HPSE2: variants seen among roughly 807,000 people sequenced by gnomAD.
HPSE2 encodes inactive heparanase-2.
HPSE2 carries 38 observed loss-of-function variants against 60.5 expected under a neutral mutation model. The ratio of observed to expected loss-of-function variants is 0.63; its 90% CI spans 0.48 to 0.82. The LOEUF is 0.82. Among genes scored for constraint, HPSE2 ranks in the 40% least tolerant of loss-of-function variants. The pLI is 0.00. For missense variants in HPSE2, 713 were observed against 740.4 expected, an observed-to-expected ratio of 0.96 and a Z score of 0.43; for synonymous variants, 295 against 293.2, an observed-to-expected ratio of 1.01 and a Z score of -0.06.
At chr10:98,762,851 C>T (rs1007340741) in intron 3 of HPSE2, among the ~76,000 whole-genome samples, 11 of 152,026 alleles carry the variant, frequency 7.2e-5, no homozygotes, top group Admixed American at 6.6e-5. Context: ...AAAAGACAAT[C>T]AGCAGAGGAC....
chr10:99,047,765 CA>C (rs1957889472), intron 3 of HPSE2: 1 of 840,730 alleles, frequency 1.2e-6, no homozygotes. Context: ...AAGGATGCTT[CA>C]AAAGGCAAGA....
chr10:99,109,457 CAA>C (rs1416113822), intron 3 of HPSE2, among the ~76,000 whole-genome samples: 2 of 152,084 alleles, frequency 1.3e-5, no homozygotes, highest in African/African-American at 2.4e-5. Flanking sequence ...GCCAAGCAAA[CAA>C]AAGAGTCATT....
At chr10:98,897,191 T>G (rs894707704) in intron 3 of HPSE2, among the ~76,000 whole-genome samples, 2 of 151,830 alleles carry the variant, frequency 1.3e-5, no homozygotes, top group Non-Finnish European at 2.9e-5. Context: ...AAGGGAAGGG[T>G]GGGATTAGGG....
upstream of HPSE2, among the ~76,000 whole-genome samples, chr10:99,240,330 G>C (rs1849917754): frequency 6.6e-6 from 1 of 151,424 alleles, no homozygotes; most frequent in Non-Finnish European, 1.5e-5. Context: ...ATTATTCTGT[G>C]TTTATGTCCA....
At chr10:98,716,630 C>T (rs1948798016) in intron 5 of HPSE2, among the ~76,000 whole-genome samples, 1 of 151,870 alleles carries the variant, frequency 6.6e-6, no homozygotes, top group Non-Finnish European at 1.5e-5. Context: ...AAATGTACTT[C>T]TCAAATAATG....
intron 3 of HPSE2, among the ~76,000 whole-genome samples, chr10:98,776,474 T>C (rs530478072): frequency 4.1e-4 from 62 of 151,930 alleles, no homozygotes; most frequent in Non-Finnish European, 8.2e-4. Context: ...ATAATAATAA[T>C]AATAAACAGT....
At chr10:99,247,411 G>A in the HPSE2 span, among the ~76,000 whole-genome samples, 1 of 152,186 alleles carries the variant, frequency 6.6e-6, no homozygotes, top group Non-Finnish European at 1.5e-5. Flanking sequence ...ACATGGAAAT[G>A]AAAACATGAT....
At chr10:99,056,488 T>C (rs1192868235) in intron 3 of HPSE2, among the ~76,000 whole-genome samples, 1 of 152,144 alleles carries the variant, frequency 6.6e-6, no homozygotes, top group Non-Finnish European at 1.5e-5. Flanking sequence ...GACAAGCTGT[T>C]AATCTGAGAA....
intron 3 of HPSE2, among the ~76,000 whole-genome samples, chr10:98,807,511 G>A (rs1951070071): frequency 1.3e-5 from 2 of 152,176 alleles, no homozygotes; most frequent in African/African-American, 4.8e-5. Context: ...TTTAAAGGAT[G>A]TTCTGTAACA....
At chr10:99,097,194 A>G (rs1324554564) in intron 3 of HPSE2, among the ~76,000 whole-genome samples, 1 of 152,176 alleles carries the variant, frequency 6.6e-6, no homozygotes, top group Non-Finnish European at 1.5e-5. Flanking sequence ...CAACACCACT[A>G]TTTGCATCTG....
At chr10:98,826,305 C>T (rs1232395174) in intron 3 of HPSE2, among the ~76,000 whole-genome samples, 1 of 152,148 alleles carries the variant, frequency 6.6e-6, no homozygotes, top group African/African-American at 2.4e-5. Flanking sequence ...AAAAAAGACT[C>T]TATTTCTAAT....
intron 2 of HPSE2, among the ~76,000 whole-genome samples, chr10:99,148,659 G>A (rs190697801): frequency 1.2e-3 from 180 of 152,090 alleles, no homozygotes; most frequent in African/African-American, 4.2e-3. Flanking sequence ...GCATGGTGGC[G>A]CATGCCTGTA....
At chr10:98,616,360 G>C (rs1364247010) in intron 8 of HPSE2, among the ~76,000 whole-genome samples, 1 of 152,096 alleles carries the variant, frequency 6.6e-6, no homozygotes, top group Non-Finnish European at 1.5e-5. Context: ...GCACACCGTA[G>C]GTACTCAATA....
chr10:99,108,773 T>C (rs1444124056), intron 3 of HPSE2, among the ~76,000 whole-genome samples: 2 of 152,210 alleles, frequency 1.3e-5, no homozygotes, highest in Non-Finnish European at 2.9e-5. Context: ...CTACAGGGAC[T>C]TAAAAGTCTC....
intron 9 of HPSE2, among the ~76,000 whole-genome samples, chr10:98,570,683 A>T (rs1944469941): frequency 6.6e-6 from 1 of 152,134 alleles, no homozygotes; most frequent in Non-Finnish European, 1.5e-5. Context: ...GACCCACCAG[A>T]TGAGACCACA....
At chr10:98,986,618 CAGAAGGCA>C (rs1231185169) in intron 3 of HPSE2, among the ~76,000 whole-genome samples, 4 of 147,276 alleles carry the variant, frequency 2.7e-5, no homozygotes, top group Non-Finnish European at 3.0e-5. Flanking sequence ...CAAAAGCTAG[CAGAAGGCA>C]AGAAATAACT....
intron 2 of HPSE2, among the ~76,000 whole-genome samples, chr10:99,179,880 C>T (rs1210322870): frequency 1.3e-5 from 2 of 152,008 alleles, no homozygotes; most frequent in South Asian, 2.1e-4. Context: ...GCCACAGTAA[C>T]CAAAACAGCA....
chr10:98,670,402 G>A (rs1179367423), intron 6 of HPSE2, among the ~76,000 whole-genome samples: 1 of 152,188 alleles, frequency 6.6e-6, no homozygotes, highest in South Asian at 2.1e-4. Context: ...CCTTAGAAAT[G>A]TTCAAGACCA....
At chr10:98,910,848 G>C (rs1179111571) in intron 3 of HPSE2, among the ~76,000 whole-genome samples, 1 of 152,124 alleles carries the variant, frequency 6.6e-6, no homozygotes, top group Admixed American at 6.5e-5. Context: ...AGGTATTAAG[G>C]CATGAGTGCT....
Sources: allele counts gnomAD v4.1 joint callset (sites outside exome capture counted in the v4.1 genomes callset), GRCh38; gene constraint gnomAD v4.1.1; transcripts MANE v1.5; gene names NCBI Gene and HGNC (gene_info 2026-07-23, HGNC 2026-07-21).